CHRM3: variants seen among roughly 807,000 people sequenced by gnomAD.
The protein encoded by CHRM3 is cholinergic receptor muscarinic 3.
A neutral mutation model predicts 41.8 loss-of-function variants in CHRM3; 11 were observed. The ratio of observed to expected loss-of-function variants is 0.26; its 90% CI spans 0.17 to 0.44. The LOEUF (loss-of-function observed/expected upper bound fraction) is 0.44, where lower values mean the gene tolerates loss of function less well. CHRM3 is among the 20% of genes least tolerant of loss of function. The pLI is 1.00. For missense variants in CHRM3, 571 were observed against 745.4 expected, an observed-to-expected ratio of 0.77 and a Z score of 2.72; for synonymous variants, 297 against 301.4, an observed-to-expected ratio of 0.99 and a Z score of 0.15.
At chr1:239,728,662 C>T (rs146039953) in intron 5 of CHRM3, among the ~76,000 whole-genome samples, 327 of 152,070 alleles carry the variant, frequency 2.2e-3, no homozygotes, top group African/African-American at 7.5e-3. Context: ...AATGGAATAA[C>T]ATTAATTCAT....
chr1:239,634,452 AAG>A (rs745847431), intron 4 of CHRM3, among the ~76,000 whole-genome samples: 15 of 151,990 alleles, frequency 9.9e-5, no homozygotes, highest in African/African-American at 7.2e-5. Flanking sequence ...AGAAAAGAAA[AAG>A]AGAAAAACAG....
chr1:239,846,623 C>T (rs1674286901), intron 6 of CHRM3, among the ~76,000 whole-genome samples: 1 of 152,126 alleles, frequency 6.6e-6, no homozygotes, highest in Admixed American at 6.5e-5. Context: ...CAATATAAAT[C>T]AGCGTTTCCC....
chr1:239,881,397 G>C (rs1677623806), intron 6 of CHRM3, among the ~76,000 whole-genome samples: 1 of 150,520 alleles, frequency 6.6e-6, no homozygotes, highest in African/African-American at 2.4e-5. Flanking sequence ...GAGGGGAAAA[G>C]AAAGGGAAAG....
chr1:239,836,833 G>A (rs538325222), intron 6 of CHRM3, among the ~76,000 whole-genome samples: 46 of 152,114 alleles, frequency 3.0e-4, no homozygotes, highest in Non-Finnish European at 4.9e-4. Context: ...AAATTAACTG[G>A]GCTTGATGGC....
At chr1:239,598,748 T>A (rs181724105) in intron 3 of CHRM3, among the ~76,000 whole-genome samples, 3 of 152,294 alleles carry the variant, frequency 2.0e-5, no homozygotes, top group Non-Finnish European at 2.9e-5. Flanking sequence ...CCTTACCTTT[T>A]CCCCTTTTCT....
chr1:239,549,141 T>C (rs1472076492), intron 3 of CHRM3, among the ~76,000 whole-genome samples: 1 of 152,044 alleles, frequency 6.6e-6, no homozygotes, highest in Non-Finnish European at 1.5e-5. Flanking sequence ...GAGAACAGCA[T>C]GGGAAAAACC....
chr1:239,449,187 T>G (rs190832134), intron 1 of CHRM3, among the ~76,000 whole-genome samples: 1 of 152,274 alleles, frequency 6.6e-6, no homozygotes, highest in African/African-American at 2.4e-5. Context: ...TTCTGCTGCA[T>G]TTACAATTCT....
chr1:239,560,956 A>G (rs1472392038), intron 3 of CHRM3, among the ~76,000 whole-genome samples: 2 of 151,906 alleles, frequency 1.3e-5, no homozygotes, highest in East Asian at 3.9e-4. Flanking sequence ...TCTAGGCAAA[A>G]GCATAGGTGT....
At chr1:239,433,618 C>A (rs1269810053) in intron 1 of CHRM3, among the ~76,000 whole-genome samples, 1 of 151,948 alleles carries the variant, frequency 6.6e-6, no homozygotes, top group African/African-American at 2.4e-5. Context: ...CCCCTCCCAC[C>A]CTTCCCCCAA....
At chr1:239,536,817 T>C (rs923653834) in intron 2 of CHRM3, among the ~76,000 whole-genome samples, 3 of 152,208 alleles carry the variant, frequency 2.0e-5, no homozygotes, top group Non-Finnish European at 4.4e-5. Context: ...AGAGTTATTA[T>C]GCATCCTAGT....
At chr1:239,886,206 C>T (rs1202989577) in intron 6 of CHRM3, 1 of 152,092 alleles carries the variant, frequency 6.6e-6, no homozygotes, top group African/African-American at 2.4e-5. Flanking sequence ...GTACCCAAAC[C>T]TTGATGAAAC....
intron 4 of CHRM3, among the ~76,000 whole-genome samples, chr1:239,660,465 A>T (rs1003486505): frequency 1.3e-5 from 2 of 152,188 alleles, no homozygotes; most frequent in African/African-American, 2.4e-5. Flanking sequence ...GCTTCCACAG[A>T]CCGTATAAGT....
intron 4 of CHRM3, among the ~76,000 whole-genome samples, chr1:239,637,304 A>C (rs1195902401): frequency 6.6e-6 from 1 of 152,056 alleles, no homozygotes; most frequent in Non-Finnish European, 1.5e-5. Context: ...AATGTGCATA[A>C]TATTCTATAG....
intron 1 of CHRM3, among the ~76,000 whole-genome samples, chr1:239,409,656 G>A (rs1476248090): frequency 6.6e-6 from 1 of 152,160 alleles, no homozygotes; most frequent in Non-Finnish European, 1.5e-5. Context: ...GGCTTGTCAT[G>A]AGCTTTAGTT....
chr1:239,391,809 A>T (rs1476129019), intron 1 of CHRM3, among the ~76,000 whole-genome samples: 1 of 152,056 alleles, frequency 6.6e-6, no homozygotes, highest in African/African-American at 2.4e-5. Context: ...AAAAACAAAA[A>T]CCAATTTGAT....
chr1:239,853,938 G>A (rs182564167), intron 6 of CHRM3, among the ~76,000 whole-genome samples: 14 of 152,180 alleles, frequency 9.2e-5, no homozygotes, highest in African/African-American at 3.1e-4. Context: ...GAAGGAAGAG[G>A]ATGCTATGTA....
intron 6 of CHRM3, among the ~76,000 whole-genome samples, chr1:239,862,188 CAA>C (rs1184955549): frequency 6.6e-6 from 1 of 152,180 alleles, no homozygotes; most frequent in East Asian, 1.9e-4. Context: ...TCTGCAAACA[CAA>C]GAGGAAGTTT....
intron 5 of CHRM3, among the ~76,000 whole-genome samples, chr1:239,725,224 G>A (rs1663327182): frequency 6.6e-6 from 1 of 151,874 alleles, no homozygotes; most frequent in Non-Finnish European, 1.5e-5. Flanking sequence ...TTTATGAAAT[G>A]ATTATGTCCT....
chr1:239,720,113 C>T (rs1162472861), intron 5 of CHRM3: 3 of 151,820 alleles, frequency 2.0e-5, no homozygotes, highest in Admixed American at 6.6e-5. Flanking sequence ...ACTTGCAAAC[C>T]GTGTTGTATC....
Sources: allele counts gnomAD v4.1 joint callset (sites outside exome capture counted in the v4.1 genomes callset), GRCh38; gene constraint gnomAD v4.1.1; transcripts MANE v1.5; gene names NCBI Gene and HGNC (gene_info 2026-07-23, HGNC 2026-07-21).